The following TESC variants were observed in gnomAD, a reference collection of about 807,000 sequenced individuals.
The protein encoded by TESC is tescalcin.
A neutral mutation model predicts 31.0 loss-of-function variants in TESC; 19 were observed. The observed-to-expected ratio is 0.61, with a 90% CI of 0.43 to 0.90. The LOEUF (loss-of-function observed/expected upper bound fraction) is 0.90, where lower values mean the gene tolerates loss of function less well. TESC is among the 40% of genes least tolerant of loss of function. TESC has a pLI of 0.00. For synonymous variants in TESC, 109 were observed against 114.8 expected, an observed-to-expected ratio of 0.95 and a Z score of 0.32; for missense variants, 248 against 303.8, an observed-to-expected ratio of 0.82 and a Z score of 1.36.
At chr12:117,076,467 CAG>C (rs1349609712) in intron 1 of TESC, among the ~76,000 whole-genome samples, 2 of 152,188 alleles carry the variant, frequency 1.3e-5, no homozygotes, top group Non-Finnish European at 2.9e-5. Context: ...TGTTTTGAGA[CAG>C]AGTCACACTC....
chr12:117,085,112 GC>G (rs1955201084), intron 1 of TESC, among the ~76,000 whole-genome samples: 1 of 152,150 alleles, frequency 6.6e-6, no homozygotes, highest in African/African-American at 2.4e-5. Context: ...AGGAGGTGAT[GC>G]CCAATGGGGT....
intron 1 of TESC, among the ~76,000 whole-genome samples, chr12:117,095,591 C>T (rs1431986642): frequency 2.6e-5 from 4 of 152,150 alleles, no homozygotes; most frequent in Non-Finnish European, 2.9e-5. Flanking sequence ...AGAAAGCAGT[C>T]TTGGGGCCAG....
chr12:117,069,781 C>T lies in TESC; in HGVS notation c.128+5490G>A, dbSNP rs540489372. On this transcript the variant is annotated intron_variant, in intron 2 of 7. Coordinates refer to ENST00000335209, the MANE Select transcript of TESC (RefSeq NM_017899.4). ...TAAAGCTATATTCAATTTGTCAAGC[C>T]GCACATTTAGAAATCCAGTTCTTCT... is the stretch of plus-strand genomic sequence containing the variant. 1.1e-4 allele frequency among the ~76,000 whole-genome samples: 16 copies of T among 152,300 alleles called. No homozygotes were observed. In the South Asian group the frequency reaches 2.1e-3, roughly 20 times the overall value.
In TESC at chr12:117,099,407, CG is replaced by C; in HGVS notation, c.-126del. 1.0e-6 allele frequency: 1 copy of C among 961,032 alleles called. No individual in the cohort carries two copies. The highest frequency in any genetic ancestry group is 1.4e-6 in the Non-Finnish European group (1 of 735,226). 59.5% of individuals were successfully genotyped at this position (961,032 alleles called of 1,614,324 possible). On this transcript the variant is annotated 5_prime_UTR_variant, in exon 1 of 8. Transcript: ENST00000335209. ...CGGGACGCCGGCGAAGGCTCGGAGC[CG>C]CGGGTTCCGCGTGGGGCCGGAGCGG...
chr12:117,099,345 C>A lies in TESC; in HGVS notation c.-63G>T. ...TCAGGCCCCGCACTGGCTTCGGCTG[C>A]GCAGCGGCGGGACTGGCCTCGGGTC... On this transcript the variant is annotated 5_prime_UTR_variant, in exon 1 of 8. Coordinates refer to ENST00000335209, the MANE Select transcript of TESC (RefSeq NM_017899.4). 1 of 1,347,024 alleles carries A rather than the reference C, an allele frequency of 7.4e-7. No individual in the cohort carries two copies. The highest frequency in any genetic ancestry group is 9.5e-7 in the Non-Finnish European group (1 of 1,050,646). 83.4% of individuals were successfully genotyped at this position (1,347,024 alleles called of 1,614,324 possible).
chr12:117,064,442 C>T (rs1954844119), intron 2 of TESC, among the ~76,000 whole-genome samples: 1 of 152,204 alleles, frequency 6.6e-6, no homozygotes. Context: ...AACACCTTCT[C>T]ATCCCTGTCC....
At chr12:117,042,752 G>A (rs1159761324) in intron 6 of TESC, among the ~76,000 whole-genome samples, 3 of 152,124 alleles carry the variant, frequency 2.0e-5, no homozygotes, top group African/African-American at 7.2e-5. Context: ...CCTGCAGCTC[G>A]CTTTGTGACA....
At chr12:117,042,212 G>C (rs1212535730) in intron 6 of TESC, among the ~76,000 whole-genome samples, 1 of 152,192 alleles carries the variant, frequency 6.6e-6, no homozygotes, top group Non-Finnish European at 1.5e-5. Context: ...TCATGGGCTT[G>C]AGGGTGGGAT....
chr12:117,046,837 A>AGAG lies in TESC; in HGVS notation c.350_351insCTC (p.Phe117_Leu118insSer). ...TGTCCGAGTCGTACATGTGGAACAG[A>AGAG]ACTAGGGTGGCAGGGGAGAGAGGGG... On this transcript the variant is annotated inframe_insertion and splice_region_variant, in exon 5 of 8. Coordinates refer to ENST00000335209, the MANE Select transcript of TESC (RefSeq NM_017899.4). 1 of 1,567,572 alleles carries AGAG rather than the reference A, an allele frequency of 6.4e-7. No homozygotes were observed. The highest frequency in any genetic ancestry group is 8.7e-7 in the Non-Finnish European group (1 of 1,155,798).
intron 1 of TESC, 145 bp downstream of exon 1, chr12:117,099,080 C>T: frequency 1.2e-6 from 1 of 826,248 alleles, no homozygotes; most frequent in Non-Finnish European, 1.7e-6. Flanking sequence ...CAGCGGGGAC[C>T]CATTTGAAAG....
chr12:117,067,830 C>A (rs1954908678), intron 2 of TESC, among the ~76,000 whole-genome samples: 1 of 152,176 alleles, frequency 6.6e-6, no homozygotes, highest in South Asian at 2.1e-4. Flanking sequence ...GAGCGTTGAG[C>A]CCAGCGTCTG....
At chr12:117,093,727 C>T (rs922720056) in intron 1 of TESC, among the ~76,000 whole-genome samples, 5 of 152,110 alleles carry the variant, frequency 3.3e-5, no homozygotes, top group Non-Finnish European at 5.9e-5. Flanking sequence ...AGATGCCACG[C>T]GCCCGAGAAA....
At chr12:117,048,151 C>T (rs1416267971) in intron 4 of TESC, among the ~76,000 whole-genome samples, 1 of 152,196 alleles carries the variant, frequency 6.6e-6, no homozygotes, top group Admixed American at 6.5e-5. Context: ...AGCCCTGCCT[C>T]CCAGACAGAC....
intron 3 of TESC, among the ~76,000 whole-genome samples, chr12:117,049,426 C>T (rs922220881): frequency 1.1e-4 from 16 of 152,194 alleles, no homozygotes; most frequent in Middle Eastern, 3.2e-3. Flanking sequence ...TTGATTCAGG[C>T]GGTGACAGAG....
intron 1 of TESC, among the ~76,000 whole-genome samples, chr12:117,079,053 T>C (rs1955110375): frequency 6.6e-6 from 1 of 152,082 alleles, no homozygotes; most frequent in African/African-American, 2.4e-5. Context: ...TCAGAAGGGA[T>C]GTAACTTGCT....
chr12:117,057,124 TA>T (rs1170158916), intron 2 of TESC, among the ~76,000 whole-genome samples: 1 of 152,040 alleles, frequency 6.6e-6, no homozygotes, highest in East Asian at 1.9e-4. Flanking sequence ...TTTTTTGAGA[TA>T]GAGTCTCACT....
chr12:117,047,993 C>T (rs1236561909), intron 4 of TESC, among the ~76,000 whole-genome samples: 3 of 152,114 alleles, frequency 2.0e-5, no homozygotes, highest in African/African-American at 7.2e-5. Context: ...ATCCTCCCCA[C>T]TCAGCCTCCT....
intron 2 of TESC, among the ~76,000 whole-genome samples, chr12:117,057,105 A>G (rs970610659): frequency 7.2e-5 from 11 of 151,936 alleles, no homozygotes; most frequent in Non-Finnish European, 1.5e-4. Flanking sequence ...GAGGCTCAAG[A>G]TACTTTTCTT....
At chr12:117,074,769 GTTATAAT>G (rs1194335935) in intron 2 of TESC, among the ~76,000 whole-genome samples, 3 of 152,230 alleles carry the variant, frequency 2.0e-5, no homozygotes, top group Non-Finnish European at 2.9e-5. Context: ...TTCCACGATA[GTTATAAT>G]TTATAATTGT....
Sources: gnomAD v4.1 joint callset for allele counts (sites outside exome capture counted in the v4.1 genomes callset) on GRCh38, gnomAD v4.1.1 for gene constraint, MANE v1.5 for transcripts, NCBI Gene and HGNC (gene_info 2026-07-23, HGNC 2026-07-21) for gene names.